Variants in MDGA2 observed in about 807,000 individuals in gnomAD.
MDGA2 encodes the protein MAM domain containing glycosylphosphatidylinositol anchor 2.
Under a neutral mutation model 117.8 loss-of-function variants are expected in MDGA2, and 40 were observed. The observed-to-expected ratio is 0.34, with a 90% CI of 0.26 to 0.44. MDGA2 has a LOEUF of 0.44. Ranked by LOEUF, MDGA2 falls within the 20% of genes least tolerant of loss-of-function variation. The pLI is 1.00. For missense variants in MDGA2, 1,123 were observed against 1,250.6 expected, an observed-to-expected ratio of 0.90 and a Z score of 1.54; for synonymous variants, 452 against 439.0, an observed-to-expected ratio of 1.03 and a Z score of -0.37.
chr14:47,672,813 T>C (rs1898099407), intron 1 of MDGA2, among the ~76,000 whole-genome samples: 1 of 152,142 alleles, frequency 6.6e-6, no homozygotes, highest in Non-Finnish European at 1.5e-5. Context: ...AATCCCCGTT[T>C]TTCTCAGCTG....
At chr14:47,618,905 C>T (rs1215200287) in intron 1 of MDGA2, among the ~76,000 whole-genome samples, 1 of 151,942 alleles carries the variant, frequency 6.6e-6, no homozygotes, top group African/African-American at 2.4e-5. Context: ...GCCACACATA[C>T]AAGGCACACT....
intron 9 of MDGA2, among the ~76,000 whole-genome samples, chr14:46,954,800 C>A (rs1050209569): frequency 6.6e-6 from 1 of 152,094 alleles, no homozygotes; most frequent in Non-Finnish European, 1.5e-5. Context: ...AGGGCACTAG[C>A]TAGCTTCCTA....
At chr14:47,225,047 A>C (rs1221707304) in intron 2 of MDGA2, among the ~76,000 whole-genome samples, 1 of 152,226 alleles carries the variant, frequency 6.6e-6, no homozygotes, top group African/African-American at 2.4e-5. Flanking sequence ...AAAGAACCAC[A>C]ATTTTCTAAC....
chr14:47,640,811 T>C (rs915484715), intron 1 of MDGA2, among the ~76,000 whole-genome samples: 1 of 152,138 alleles, frequency 6.6e-6, no homozygotes, highest in African/African-American at 2.4e-5. Context: ...TAAGAAGCCT[T>C]CCTTTCTTTA....
intron 7 of MDGA2, chr14:47,058,907 G>C (rs61992841): frequency 2.1e-6 from 2 of 973,768 alleles, no homozygotes; most frequent in Non-Finnish European, 2.4e-6. Flanking sequence ...TTAATGCTTT[G>C]ATGTTGCCAT....
At chr14:47,221,024 A>G (rs1886278818) in intron 2 of MDGA2, among the ~76,000 whole-genome samples, 1 of 152,228 alleles carries the variant, frequency 6.6e-6, no homozygotes, top group Admixed American at 6.5e-5. Context: ...AAGATATAGA[A>G]AAGCATATTG....
At chr14:47,540,540 G>GTGTGTGTGTGTGTGTGTGTATA in intron 1 of MDGA2, among the ~76,000 whole-genome samples, 9 of 79,218 alleles carry the variant, frequency 1.1e-4, no homozygotes, top group Non-Finnish European at 1.7e-4. Flanking sequence ...GTGTGTGTGT[G>GTGTGTGTGTGTGTGTGTGTATA]TATATATATA....
At chr14:47,430,178 T>C (rs1480156491) in intron 1 of MDGA2, among the ~76,000 whole-genome samples, 1 of 151,848 alleles carries the variant, frequency 6.6e-6, no homozygotes, top group African/African-American at 2.4e-5. Context: ...GGCAGTGTTG[T>C]GATCTGAGAC....
chr14:47,237,143 G>T (rs1407654400), intron 2 of MDGA2, among the ~76,000 whole-genome samples: 1 of 151,868 alleles, frequency 6.6e-6, no homozygotes, highest in Non-Finnish European at 1.5e-5. Context: ...AGAGAATCTA[G>T]TGCATTAAAA....
At chr14:47,155,912 T>C (rs1594675880) in intron 3 of MDGA2, among the ~76,000 whole-genome samples, 2 of 66,882 alleles carry the variant, frequency 3.0e-5, no homozygotes, top group African/African-American at 7.0e-5. Flanking sequence ...TTTTTTTTTT[T>C]TTTTTTTTTT....
intron 8 of MDGA2, among the ~76,000 whole-genome samples, chr14:46,968,401 A>G (rs1292998177): frequency 6.6e-6 from 1 of 152,226 alleles, no homozygotes; most frequent in Non-Finnish European, 1.5e-5. Flanking sequence ...TCAACATAGT[A>G]CTGGATGTCC....
At chr14:47,096,578 C>CT in intron 6 of MDGA2, among the ~76,000 whole-genome samples, 1 of 151,944 alleles carries the variant, frequency 6.6e-6, no homozygotes, top group South Asian at 2.1e-4. Flanking sequence ...TTCTTTCAAT[C>CT]TTTTTTTAGC....
At chr14:47,494,598 T>C (rs1424740402) in intron 1 of MDGA2, among the ~76,000 whole-genome samples, 3 of 152,136 alleles carry the variant, frequency 2.0e-5, no homozygotes, top group African/African-American at 7.2e-5. Flanking sequence ...ATTATTTGTC[T>C]AGACCAATGC....
chr14:47,393,782 A>C (rs1891947982), intron 1 of MDGA2, among the ~76,000 whole-genome samples: 1 of 152,196 alleles, frequency 6.6e-6, no homozygotes, highest in Admixed American at 6.6e-5. Context: ...AATAGTAAGA[A>C]AATCTTGTGA....
At chr14:47,513,496 T>C (rs1289700671) in intron 1 of MDGA2, among the ~76,000 whole-genome samples, 1 of 152,104 alleles carries the variant, frequency 6.6e-6, no homozygotes, top group Non-Finnish European at 1.5e-5. Flanking sequence ...GAAGAATGAA[T>C]GGGTAAATGA....
At chr14:47,174,628 C>A (rs576144698) in intron 3 of MDGA2, among the ~76,000 whole-genome samples, 1 of 152,250 alleles carries the variant, frequency 6.6e-6, no homozygotes, top group Non-Finnish European at 1.5e-5. Context: ...ATACCAGAAT[C>A]TCTGGGACAC....
chr14:47,061,161 A>C (rs538617787), intron 7 of MDGA2, 88 bp downstream of exon 7: 12 of 1,276,274 alleles, frequency 9.4e-6, no homozygotes, highest in Non-Finnish European at 1.2e-5. Context: ...AAGGGAAAAA[A>C]TATTTTTAAC....
intron 1 of MDGA2, among the ~76,000 whole-genome samples, chr14:47,411,046 T>C (rs1178844211): frequency 1.3e-5 from 2 of 152,136 alleles, no homozygotes; most frequent in African/African-American, 4.8e-5. Context: ...TGGCTTAGTG[T>C]AGGAGAATTA....
chr14:47,670,591 C>A (rs1898056370), intron 1 of MDGA2, among the ~76,000 whole-genome samples: 1 of 152,136 alleles, frequency 6.6e-6, no homozygotes, highest in South Asian at 2.1e-4. Flanking sequence ...TGCATTGGAT[C>A]ACTTAGCTCT....
Sources: gnomAD v4.1 joint callset for allele counts (sites outside exome capture counted in the v4.1 genomes callset) on GRCh38, gnomAD v4.1.1 for gene constraint, MANE v1.5 for transcripts, NCBI Gene and HGNC (gene_info 2026-07-23, HGNC 2026-07-21) for gene names.